Variants in ZNF10 observed in about 807,000 individuals in gnomAD.
ZNF10 encodes zinc finger protein 10 (KOX 1).
A neutral mutation model predicts 12.2 loss-of-function variants in ZNF10; 8 were observed. That is an observed-to-expected ratio of 0.66 (90% confidence interval 0.39 to 1.18). ZNF10 has a LOEUF of 1.18. Among genes scored for constraint, ZNF10 ranks in the 50% most tolerant of loss-of-function variants. The probability of loss-of-function intolerance (pLI) is 0.01; values close to 1 mark genes in which losing one functional copy is unlikely to be tolerated. For synonymous variants in ZNF10, 229 were observed against 228.2 expected (o/e 1.00, Z -0.03); for missense variants, 603 against 678.9 (o/e 0.89, Z 1.24).
At chr12:133,155,371 T>C (rs953877971) in intron 4 of ZNF10, 132 bp from the exon 5 acceptor site, 8 of 987,096 alleles carry the variant, frequency 8.1e-6, no homozygotes, top group African/African-American at 6.6e-5. Flanking sequence ...CCTTTTCTCA[T>C]TCTCTATCAA....
rs1171695679 is a variant in ZNF10 at position 133,158,789 on chromosome 12, G to C, written c.*1821G>C. The stretch of plus-strand genomic sequence containing the variant: ...AATGATGGTTAGAATCAGGAGACTT[G>C]AGAACTACGAGGAACATGGCAGCCT... On this transcript the variant is annotated 3_prime_UTR_variant, in exon 5 of 5. Transcript: ENST00000248211. 6 of 152,166 alleles carry C rather than the reference G, an allele frequency of 3.9e-5. No individual in the cohort carries two copies. Among genetic ancestry groups the C allele is most frequent in the Non-Finnish European group, 7.3e-5 (5 of 68,044 alleles). The allele number at this position is 152,166 out of a possible 1,614,324, so 9.4% of individuals were successfully genotyped here. A position where few individuals can be genotyped will look rare whatever the true frequency, so the allele number is the denominator to read the frequency against.
chr12:133,136,709 T>G (rs368042497), intron 1 of ZNF10, among the ~76,000 whole-genome samples: 1 of 152,240 alleles, frequency 6.6e-6, no homozygotes, highest in Admixed American at 6.5e-5. Flanking sequence ...TAGGAACATA[T>G]GATCCCCCTT....
chr12:133,142,239 A>G (rs528472766), intron 1 of ZNF10, among the ~76,000 whole-genome samples: 1 of 152,226 alleles, frequency 6.6e-6, no homozygotes, highest in South Asian at 2.1e-4. Flanking sequence ...CCTGACCAAC[A>G]TGGTGAAACC....
intron 2 of ZNF10, among the ~76,000 whole-genome samples, chr12:133,146,675 G>A (rs934263336): frequency 6.6e-6 from 1 of 151,910 alleles, no homozygotes; most frequent in African/African-American, 2.4e-5. Flanking sequence ...GTGGAACCCC[G>A]TCTCTACTAA....
rs1956044334 is a variant in ZNF10 at position 133,156,679 on chromosome 12, T to C, written c.1433T>C (p.Val478Ala). 6.2e-7 allele frequency: 1 copy of C among 1,613,888 alleles called. No individual in the cohort carries two copies. Among genetic ancestry groups the C allele is most frequent in the East Asian group, 2.2e-5 (1 of 44,876 alleles). ...TTCAGCCAGAGTTCTGCCCTTATTG[T>C]GCATCAGAGGATACACACTGGAGAG... ...KSFSQSSALIVHQRIHTGEKP... is the reference protein window; with the variant it reads ...KSFSQSSALIAHQRIHTGEKP... Residue 478 changes from valine (V) to alanine (A), a missense_variant, in exon 5 of 5, where the codon GTG becomes GCG. Around this residue, in one of 3 missense-constraint regions of ZNF10, gnomAD observed 204 missense variants for 262.8 expected, o/e 0.78. Coordinates refer to ENST00000248211, the MANE Select transcript of ZNF10 (RefSeq NM_015394.5).
Position 133,156,403 on chromosome 12 carries a change from T to C in ZNF10, c.1157T>C (p.Phe386Ser), listed in dbSNP as rs1555300069. The C allele has an allele frequency of 5.6e-6, 9 of 1,614,032 alleles. No individual in the cohort carries two copies. The highest frequency in any genetic ancestry group is 8.5e-7 in the Non-Finnish European group (1 of 1,179,962). Residue 386 changes from phenylalanine (F) to serine (S), a missense_variant, in exon 5 of 5, where the codon TTC becomes TCC. Physicochemically the swap from Phe to Ser is radical, Grantham distance 155. Transcript: ENST00000248211. ...GAATGTCCTGAATGTGGGAAATCTT[T>C]CAGACAGAGCACACATCTCATTCTG... Reference protein sequence around the residue: ...PYECPECGKSFRQSTHLILHQ... With the variant: ...PYECPECGKSSRQSTHLILHQ...
At chr12:133,155,195 G>A (rs890471907) in intron 4 of ZNF10, among the ~76,000 whole-genome samples, 1 of 152,040 alleles carries the variant, frequency 6.6e-6, no homozygotes, top group Non-Finnish European at 1.5e-5. Context: ...ATCTGGATTA[G>A]AAAATGAGAG....
rs1413495404 is a variant in ZNF10 at position 133,156,641 on chromosome 12, T to C, written c.1395T>C (p.Asp465=). ...GAGAGAAACCATATGAGTGTCATGA[T>C]TGTGGAAAATCTTTCAGCCAGAGTT... ...HTGEKPYECH[D]CGKSFSQSSA... The change falls in exon 5 of 5, where the codon GAT becomes GAC. Residue 465 remains aspartate, a synonymous_variant. Transcript: ENST00000248211. 6.2e-7 allele frequency: 1 copy of C among 1,613,940 alleles called. No individual in the cohort carries two copies.
rs572471651 is a variant in ZNF10, at chr12:133,149,877, A to G, written c.34-1151A>G. Among the ~76,000 whole-genome samples the G allele has an allele frequency of 7.2e-4, 110 of 151,910 alleles. No homozygotes were observed. In the Middle Eastern group the frequency reaches 0.01, roughly 14 times the overall value. ...TAATGTCTTGGTTTTTCAGCTTTAT[A>G]TTTTTGTATTTTTTAATACTTGCTG... On this transcript the variant is annotated intron_variant, in intron 2 of 4. Transcript: ENST00000248211.
chr12:133,147,264 G>A (rs2135461941), intron 2 of ZNF10, among the ~76,000 whole-genome samples: 1 of 152,248 alleles, frequency 6.6e-6, no homozygotes, highest in East Asian at 1.9e-4. Flanking sequence ...TTCATACTCA[G>A]GTATTTAGCC....
chr12:133,138,655 A>AAC, intron 1 of ZNF10, among the ~76,000 whole-genome samples: 1 of 152,192 alleles, frequency 6.6e-6, no homozygotes, highest in African/African-American at 2.4e-5. Flanking sequence ...AATGTGTGAA[A>AAC]ACTATTTTCT....
chr12:133,144,663 G>A, intron 2 of ZNF10, 138 bp downstream of exon 2: 2 of 786,552 alleles, frequency 2.5e-6, no homozygotes, highest in Non-Finnish European at 4.1e-6. Context: ...GGTGAGTTAG[G>A]AAGAAGACAG....
intron 2 of ZNF10, among the ~76,000 whole-genome samples, chr12:133,147,080 G>A (rs1353801175): frequency 2.0e-5 from 3 of 152,176 alleles, no homozygotes; most frequent in Non-Finnish European, 2.9e-5. Flanking sequence ...GCATGAGTCA[G>A]TAGGATGTTC....
intron 2 of ZNF10, among the ~76,000 whole-genome samples, chr12:133,150,815 A>G (rs1047328387): frequency 3.3e-5 from 5 of 152,210 alleles, no homozygotes; most frequent in African/African-American, 1.2e-4. Flanking sequence ...CTAAAGCATC[A>G]CATAAAACTT....
chr12:133,144,587 C>T (rs1955965161), intron 2 of ZNF10, 62 bp downstream of exon 2: 2 of 1,484,762 alleles, frequency 1.3e-6, no homozygotes, highest in South Asian at 2.3e-5. Context: ...GTTCCTTTGC[C>T]AAAGATCTTC....
chr12:133,140,954 G>GTA (rs1955941192), intron 1 of ZNF10, among the ~76,000 whole-genome samples: 1 of 151,866 alleles, frequency 6.6e-6, no homozygotes, highest in Non-Finnish European at 1.5e-5. Context: ...ACATACGTGT[G>GTA]AGGAAACTAC....
Position 133,158,288 on chromosome 12 carries a change from C to T in ZNF10, c.*1320C>T, listed in dbSNP as rs189684437. ...GCTGTGATTATTAATAATATTGCCG[C>T]ACCCTAATATCTGTTATTTAATTGA... is the stretch of plus-strand genomic sequence containing the variant. On this transcript the variant is annotated 3_prime_UTR_variant, in exon 5 of 5. Transcript: ENST00000248211. The T allele has an allele frequency of 1.3e-5, 2 of 152,270 alleles. No homozygotes were observed. The highest frequency in any genetic ancestry group is 6.5e-5 in the Admixed American group (1 of 15,290). 9.4% of individuals were successfully genotyped at this position (152,270 alleles called of 1,614,324 possible). A position where few individuals can be genotyped will look rare whatever the true frequency, so the allele number is the denominator to read the frequency against.
intron 1 of ZNF10, among the ~76,000 whole-genome samples, chr12:133,136,551 A>G (rs1362321218): frequency 2.0e-5 from 3 of 152,138 alleles, no homozygotes; most frequent in East Asian, 1.9e-4. Flanking sequence ...ATTTTTCTCT[A>G]TAATCCTGGT....
chr12:133,141,983 A>G (rs1271103041), intron 1 of ZNF10, among the ~76,000 whole-genome samples: 1 of 152,206 alleles, frequency 6.6e-6, no homozygotes, highest in Non-Finnish European at 1.5e-5. Context: ...ATTACATTGG[A>G]TTTCTTACCA....
Sources: gnomAD v4.1 joint callset for allele counts (sites outside exome capture counted in the v4.1 genomes callset) on GRCh38, gnomAD v4.1.1 for gene constraint, gnomAD v4.1.1 regional missense constraint, MANE v1.5 for transcripts, NCBI Gene and HGNC (gene_info 2026-07-23, HGNC 2026-07-21) for gene names.